The following STK35 variants were observed in gnomAD, a reference collection of about 807,000 sequenced individuals.
The protein encoded by STK35 is serine/threonine-protein kinase 35.
In STK35, 17 loss-of-function variants were observed where a neutral mutation model predicts 37.3. The ratio of observed to expected loss-of-function variants is 0.46; its 90% CI spans 0.31 to 0.68. STK35 has a LOEUF of 0.68. STK35 is among the 30% of genes least tolerant of loss of function. The pLI, the probability that STK35 is intolerant of heterozygous loss-of-function variation, is 0.05. For synonymous variants in STK35, 385 were observed against 319.1 expected (o/e 1.21, Z -2.20); for missense variants, 595 against 746.7 (o/e 0.80, Z 2.37).
In STK35 at chr20:2,116,812, G is replaced by A; in HGVS notation, c.1039G>A (p.Ala347Thr). 1.2e-6 allele frequency: 2 copies of A among 1,614,124 alleles called. No homozygotes were observed. Among genetic ancestry groups the A allele is most frequent in the Non-Finnish European group, 8.5e-7 (1 of 1,180,030 alleles). ...AAGTTTCATGCTACAGCTGACGAGCGCCATTGCCTTCCTGCACAAAAACCA... is the reference window on the plus strand; with the variant it reads ...AAGTTTCATGCTACAGCTGACGAGCACCATTGCCTTCCTGCACAAAAACCA... ...NKSFMLQLTS[A>T]IAFLHKNHIV... The change falls in exon 3 of 4, where the codon GCC becomes ACC. Residue 347 changes from alanine to threonine, a missense_variant. Physicochemically the swap from Ala to Thr is moderately conservative, Grantham distance 58 (BLOSUM62 0). Around this residue, in one of 3 missense-constraint regions of STK35, gnomAD observed 109 missense variants for 280.3 expected, o/e 0.39. Transcript: ENST00000381482.
At chr20:2,112,690 A>G (rs985127225) in intron 2 of STK35, among the ~76,000 whole-genome samples, 3 of 152,158 alleles carry the variant, frequency 2.0e-5, no homozygotes, top group Non-Finnish European at 2.9e-5. Flanking sequence ...AGCTCACATA[A>G]TAAACTTTTA....
At chr20:2,124,303 A>G (rs1432921657) in intron 3 of STK35, among the ~76,000 whole-genome samples, 2 of 152,136 alleles carry the variant, frequency 1.3e-5, no homozygotes, top group Non-Finnish European at 2.9e-5. Flanking sequence ...CAGGTAGCCC[A>G]AAGGAAAGTA....
chr20:2,104,466 T>C (rs190773974), intron 2 of STK35, among the ~76,000 whole-genome samples: 14 of 152,328 alleles, frequency 9.2e-5, no homozygotes, highest in Admixed American at 2.0e-4. Flanking sequence ...AAAGGGAAGT[T>C]AGACTGTACT....
chr20:2,102,323 C>G, intron 1 of STK35, 148 bp downstream of exon 1: 1 of 1,135,042 alleles, frequency 8.8e-7, no homozygotes, highest in Non-Finnish European at 1.2e-6. Flanking sequence ...CCGTCGCCCT[C>G]GGGGACTTGG....
intron 3 of STK35, among the ~76,000 whole-genome samples, chr20:2,134,327 C>T (rs1600618666): frequency 6.6e-6 from 1 of 151,668 alleles, no homozygotes; most frequent in South Asian, 2.1e-4. Context: ...AGGAGGAGGA[C>T]CTCACTGTTG....
chr20:2,143,951 T>C lies in STK35; in HGVS notation c.*205T>C. The C allele has an allele frequency of 2.6e-6, 1 of 390,488 alleles. No individual in the cohort carries two copies. Among genetic ancestry groups the C allele is most frequent in the East Asian group, 1.1e-4 (1 of 9,320 alleles). The allele number at this position is 390,488 out of a possible 1,614,324, so 24.2% of individuals were successfully genotyped here. ...TTAGTTTTGCTTTATTTTTTTCCTT[T>C]TCTTTTCTTTTTTTTTTTTCCTCTT... On this transcript the variant is annotated 3_prime_UTR_variant, in exon 4 of 4. Coordinates refer to ENST00000381482, the MANE Select transcript of STK35 (RefSeq NM_080836.4).
At chr20:2,132,441 A>G (rs560330098) in intron 3 of STK35, among the ~76,000 whole-genome samples, 6 of 152,272 alleles carry the variant, frequency 3.9e-5, no homozygotes, top group Non-Finnish European at 7.3e-5. Flanking sequence ...CTAGAGTAGA[A>G]AGCTAAATAG....
chr20:2,122,030 TA>T (rs1256444998), intron 3 of STK35, among the ~76,000 whole-genome samples: 1 of 152,210 alleles, frequency 6.6e-6, no homozygotes, highest in African/African-American at 2.4e-5. Flanking sequence ...TGGATGTTTG[TA>T]CTATTAAAAA....
intron 3 of STK35, among the ~76,000 whole-genome samples, chr20:2,135,057 G>A (rs1457442431): frequency 6.6e-6 from 1 of 152,104 alleles, no homozygotes; most frequent in Non-Finnish European, 1.5e-5. Flanking sequence ...GTCTCCAGAG[G>A]GGGAGTAGGG....
intron 3 of STK35, among the ~76,000 whole-genome samples, chr20:2,127,240 T>C (rs1176797998): frequency 6.6e-6 from 1 of 152,088 alleles, no homozygotes; most frequent in Non-Finnish European, 1.5e-5. Flanking sequence ...CCCTTCACCA[T>C]GTACAGCACC....
At chr20:2,138,471 C>T (rs748221452) in intron 3 of STK35, among the ~76,000 whole-genome samples, 4 of 152,150 alleles carry the variant, frequency 2.6e-5, no homozygotes, top group Admixed American at 6.5e-5. Context: ...GTTCCATGCC[C>T]ATTTTCTAGT....
In STK35 at chr20:2,118,579, C is replaced by G. The variant is rs1045211556; in HGVS notation, c.*37+1164C>G. Among the ~76,000 whole-genome samples the G allele has an allele frequency of 2.3e-5, 3 of 132,990 alleles. 1 individual carries two copies. The Admixed American group carries it at 2.4e-4, about 11-fold the overall frequency. 87.2% of individuals were successfully genotyped at this position (132,990 alleles called of 152,430 possible). A position where few individuals can be genotyped will look rare whatever the true frequency, so the allele number is the denominator to read the frequency against. ...CCTGGGCAACAGAGCGAGACTCCGT[C>G]TCAAAAAAAAAAAAAATTTATTGTG... On this transcript the variant is annotated intron_variant, in intron 3 of 3. Coordinates refer to ENST00000381482, the MANE Select transcript of STK35 (RefSeq NM_080836.4).
intron 3 of STK35, among the ~76,000 whole-genome samples, chr20:2,141,455 G>C (rs1430146471): frequency 6.6e-6 from 1 of 152,154 alleles, no homozygotes; most frequent in African/African-American, 2.4e-5. Flanking sequence ...CTAACCTCCC[G>C]TTTGGCAGTG....
chr20:2,114,443 C>G (rs578243338), intron 2 of STK35, among the ~76,000 whole-genome samples: 28 of 152,198 alleles, frequency 1.8e-4, no homozygotes, highest in Non-Finnish European at 3.4e-4. Context: ...GACCTTGACT[C>G]GTAAAAATAA....
At chr20:2,111,303 A>G (rs1325032418) in intron 2 of STK35, among the ~76,000 whole-genome samples, 2 of 152,216 alleles carry the variant, frequency 1.3e-5, no homozygotes, top group African/African-American at 2.4e-5. Context: ...GACTTAGTCA[A>G]TGGTGTGCCC....
intron 3 of STK35, among the ~76,000 whole-genome samples, chr20:2,124,834 T>TC (rs1206677231): frequency 3.3e-5 from 5 of 152,170 alleles, no homozygotes; most frequent in African/African-American, 9.7e-5. Context: ...GGAGTTTTCC[T>TC]CCCCAGGTGG....
intron 2 of STK35, among the ~76,000 whole-genome samples, chr20:2,112,448 G>T (rs562780212): frequency 2.6e-5 from 4 of 152,200 alleles, no homozygotes; most frequent in Non-Finnish European, 5.9e-5. Context: ...CTGACTGTCA[G>T]ACTTGAGGGA....
chr20:2,116,311 T>C (rs1380388267), intron 2 of STK35, among the ~76,000 whole-genome samples: 1 of 152,220 alleles, frequency 6.6e-6, no homozygotes, highest in Non-Finnish European at 1.5e-5. Flanking sequence ...AACAGACCCG[T>C]GACAGCCTTC....
At chr20:2,129,813 G>C (rs1455025653) in intron 3 of STK35, among the ~76,000 whole-genome samples, 1 of 152,082 alleles carries the variant, frequency 6.6e-6, no homozygotes, top group Non-Finnish European at 1.5e-5. Flanking sequence ...CTGCCAAGCA[G>C]AGGAGGAGGG....
Sources: allele counts gnomAD v4.1 joint callset (sites outside exome capture counted in the v4.1 genomes callset), GRCh38; gene constraint gnomAD v4.1.1; regional missense constraint gnomAD v4.1.1; transcripts MANE v1.5; gene names NCBI Gene and HGNC (gene_info 2026-07-23, HGNC 2026-07-21).